The following SCNN1B variants were observed in gnomAD, a reference collection of about 807,000 sequenced individuals.
SCNN1B encodes sodium channel epithelial 1 subunit beta, also known as epithelial sodium channel subunit beta.
SCNN1B carries 46 observed loss-of-function variants against 65.3 expected under a neutral mutation model. The observed-to-expected ratio is 0.70, with a 90% CI of 0.56 to 0.90. SCNN1B has a LOEUF of 0.90. Among genes scored for constraint, SCNN1B ranks in the 40% least tolerant of loss-of-function variants. The pLI, the probability that SCNN1B is intolerant of heterozygous loss-of-function variation, is 0.00. For synonymous variants in SCNN1B, 349 were observed against 330.6 expected, an observed-to-expected ratio of 1.06 and a Z score of -0.60; for missense variants, 751 against 830.5, an observed-to-expected ratio of 0.90 and a Z score of 1.18.
intron 4 of SCNN1B, among the ~76,000 whole-genome samples, chr16:23,366,726 A>AAAAC (rs989700127): frequency 2.0e-5 from 3 of 152,208 alleles, no homozygotes; most frequent in South Asian, 2.1e-4. Flanking sequence ...CTCTGTCTCA[A>AAAAC]AAACAAACAA....
At chr16:23,364,805 C>G (rs1962615166) in intron 4 of SCNN1B, among the ~76,000 whole-genome samples, 1 of 152,022 alleles carries the variant, frequency 6.6e-6, no homozygotes, top group Admixed American at 6.6e-5. Flanking sequence ...GCCTGGCCAA[C>G]ATAGTGAAAC....
intron 4 of SCNN1B, among the ~76,000 whole-genome samples, chr16:23,361,881 A>C (rs1168187674): frequency 6.6e-6 from 1 of 151,990 alleles, no homozygotes; most frequent in Non-Finnish European, 1.5e-5. Context: ...GTGCCCGATT[A>C]ATTTTTTTAT....
intron 4 of SCNN1B, among the ~76,000 whole-genome samples, chr16:23,357,799 C>G (rs1483365523): frequency 6.6e-6 from 1 of 152,218 alleles, no homozygotes; most frequent in Non-Finnish European, 1.5e-5. Flanking sequence ...TGGTCACAGT[C>G]TGTGTTTCAG....
chr16:23,285,575 G>A (rs1296784650), intron 2 of SCNN1B, among the ~76,000 whole-genome samples: 4 of 152,056 alleles, frequency 2.6e-5, no homozygotes, highest in East Asian at 1.9e-4. Flanking sequence ...ACTTGAGCCC[G>A]GGAGTTGAAG....
At chr16:23,301,536 A>G (rs559688705), upstream of SCNN1B, among the ~76,000 whole-genome samples, 1 of 152,342 alleles carries the variant, frequency 6.6e-6, no homozygotes, top group Admixed American at 6.5e-5. Flanking sequence ...AGAAATATAC[A>G]GGAAACTAAG....
chr16:23,378,568 G>C (rs1398866292), intron 10 of SCNN1B, 138 bp from the exon 11 acceptor site: 3 of 770,588 alleles, frequency 3.9e-6, no homozygotes, highest in South Asian at 2.9e-5. Flanking sequence ...CCTTCCTCCT[G>C]CTCCTCATCC....
chr16:23,348,894 A>G lies in SCNN1B; in HGVS notation c.295A>G (p.Asn99Asp). ...TMDFPAVTIC[N>D]ASPFKYSKIK... ...GGACTTCCCTGCCGTCACCATCTGC[A>G]ATGCTAGCCCCTTCAAGTAGGTGGC... is the stretch of plus-strand genomic sequence containing the variant. The change falls in exon 2 of 13, where the codon AAT (asparagine) becomes GAT (aspartate). Residue 99 changes from asparagine (N) to aspartate (D), a missense_variant. Physicochemically the swap from Asn to Asp is conservative, Grantham distance 23. Transcript: ENST00000343070. This position sits in a 1 kb window ranked among gnomAD's most constrained non-coding sequence, Gnocchi z 4.5. 1.9e-6 allele frequency: 3 copies of G among 1,614,090 alleles called. No individual in the cohort carries two copies. Among genetic ancestry groups the G allele is most frequent in the Non-Finnish European group, 2.5e-6 (3 of 1,180,010 alleles).
chr16:23,348,076 C>G lies in SCNN1B; in HGVS notation c.-8-516C>G, dbSNP rs1214891499. 6.6e-6 allele frequency among the ~76,000 whole-genome samples: 1 copy of G among 152,190 alleles called. No individual in the cohort carries two copies. The highest frequency in any genetic ancestry group is 1.5e-5 in the Non-Finnish European group (1 of 68,032). ...CCATTGCAGAGCACTCACACACAGT[C>G]ACACTCACTCACCTGGGACCATGCA... is the stretch of plus-strand genomic sequence containing the variant. On this transcript the variant is annotated intron_variant, in intron 1 of 12. Transcript: ENST00000343070. This position sits in a 1 kb window ranked among gnomAD's most constrained non-coding sequence, Gnocchi z 4.5.
intron 2 of SCNN1B, among the ~76,000 whole-genome samples, chr16:23,293,996 T>C (rs374178315): frequency 2.6e-4 from 40 of 152,026 alleles, no homozygotes; most frequent in African/African-American, 9.2e-4. Context: ...ATAAAAAAAA[T>C]ATAAAAAATT....
chr16:23,333,187 AAG>A (rs1961861596), intron 1 of SCNN1B, among the ~76,000 whole-genome samples: 1 of 138,608 alleles, frequency 7.2e-6, no homozygotes, highest in Admixed American at 7.1e-5. Flanking sequence ...GGAAGGAAGG[AAG>A]GAAGGAAGGA....
intron 2 of SCNN1B, among the ~76,000 whole-genome samples, chr16:23,284,913 T>C (rs956077285): frequency 6.6e-6 from 1 of 152,182 alleles, no homozygotes; most frequent in African/African-American, 2.4e-5. Context: ...CTGGGGCATC[T>C]TGTTGGGCTG....
chr16:23,379,250 T>G (rs1341063980), intron 11 of SCNN1B, among the ~76,000 whole-genome samples: 3 of 151,290 alleles, frequency 2.0e-5, no homozygotes, highest in Non-Finnish European at 4.4e-5. Flanking sequence ...CTCCGTTTAT[T>G]CATGGATCTC....
At chr16:23,296,606 C>G (rs1262435014) in intron 2 of SCNN1B, among the ~76,000 whole-genome samples, 1 of 152,062 alleles carries the variant, frequency 6.6e-6, no homozygotes, top group African/African-American at 2.4e-5. Context: ...ATATTGGAGA[C>G]AGAAAGAGGG....
chr16:23,352,498 C>G (rs370474586), intron 2 of SCNN1B, among the ~76,000 whole-genome samples: 19 of 152,300 alleles, frequency 1.2e-4, no homozygotes, highest in African/African-American at 4.3e-4. Flanking sequence ...CTCACAAGAT[C>G]TGATGGTTTT....
Position 23,380,876 on chromosome 16 carries a change from G to C in SCNN1B, c.*75G>C, listed in dbSNP as rs921683713. 9.2e-6 allele frequency: 14 copies of C among 1,527,342 alleles called. No individual in the cohort carries two copies. The highest frequency in any genetic ancestry group is 1.3e-5 in the Non-Finnish European group (14 of 1,104,906). 94.6% of individuals were successfully genotyped at this position (1,527,342 alleles called of 1,614,324 possible). On this transcript the variant is annotated 3_prime_UTR_variant, in exon 13 of 13. Coordinates refer to ENST00000343070, the MANE Select transcript of SCNN1B (RefSeq NM_000336.3). The surrounding 1 kb of genome is among the most constrained non-coding windows in gnomAD (Gnocchi z 5.4). ...CTGTTGCCCGAGGCCTCACTGTATG[G>C]TGCCCTCTCCAAAGGGTCGGGAGGG...
intron 11 of SCNN1B, 105 bp from the exon 12 acceptor site, chr16:23,379,989 T>A (rs1963004671): frequency 1.2e-6 from 1 of 858,638 alleles, no homozygotes; most frequent in Non-Finnish European, 2.0e-6. Context: ...TACATGTGGG[T>A]GTGTGCACGT....
intron 1 of SCNN1B, among the ~76,000 whole-genome samples, chr16:23,335,721 A>G (rs573825286): frequency 4.0e-4 from 60 of 151,748 alleles, no homozygotes; most frequent in African/African-American, 1.4e-3. Context: ...TGCTGGGATT[A>G]TAGGTGTGAG....
chr16:23,284,984 G>A (rs1261647600), intron 2 of SCNN1B, among the ~76,000 whole-genome samples: 1 of 152,190 alleles, frequency 6.6e-6, no homozygotes, highest in East Asian at 1.9e-4. Context: ...AGGACACAGA[G>A]GTAGCCTGGC....
At chr16:23,296,990 C>CAA (rs57412418) in intron 2 of SCNN1B, among the ~76,000 whole-genome samples, 7,035 of 81,800 alleles carry the variant, frequency 0.086, 727 homozygotes, top group African/African-American at 0.24. Context: ...CATCTCAAAA[C>CAA]AAAAAAAAAA....
Sources: gnomAD v4.1 joint callset for allele counts (sites outside exome capture counted in the v4.1 genomes callset) on GRCh38, gnomAD v4.1.1 for gene constraint, Gnocchi (gnomAD v3.1) non-coding constraint, MANE v1.5 for transcripts, NCBI Gene and HGNC (gene_info 2026-07-23, HGNC 2026-07-21) for gene names.